Variants in CSMD1 observed in about 807,000 individuals in gnomAD.
The protein encoded by CSMD1 is CUB and Sushi multiple domains 1, also known as CUB and sushi domain-containing protein 1.
In CSMD1, 213 loss-of-function variants were observed where a neutral mutation model predicts 417.5. The ratio of observed to expected loss-of-function variants is 0.51; its 90% CI spans 0.46 to 0.57. The LOEUF (loss-of-function observed/expected upper bound fraction) is 0.57, where lower values mean the gene tolerates loss of function less well. Among genes scored for constraint, CSMD1 ranks in the 20% least tolerant of loss-of-function variants. The probability of loss-of-function intolerance (pLI) is 0.00; values close to 1 mark genes in which losing one functional copy is unlikely to be tolerated. For missense variants in CSMD1, 6,923 were observed against 4,529.7 expected (o/e 1.53, Z -15.17); for synonymous variants, 2,862 against 1,736.8 (o/e 1.65, Z -16.11).
rs183501375 is a variant in CSMD1 at position 3,289,073 on chromosome 8, G to A, written c.3951-4727C>T. On this transcript the variant is annotated intron_variant, in intron 25 of 69. Coordinates refer to ENST00000635120, the MANE Select transcript of CSMD1 (RefSeq NM_033225.6). ...TTCCCACCTATGAGGGAGAACATGC[G>A]GTATTTAGTTTTTTGTCCTTGAGAT... Among the ~76,000 whole-genome samples, 248 of 147,006 alleles carry A rather than the reference G, an allele frequency of 1.7e-3. 36 individuals carry two copies. The highest frequency in any genetic ancestry group is 5.7e-3 in the African/African-American group (212 of 36,904).
At chr8:3,202,034 G>A (rs759998435) in intron 31 of CSMD1, among the ~76,000 whole-genome samples, 1 of 152,114 alleles carries the variant, frequency 6.6e-6, no homozygotes, top group Non-Finnish European at 1.5e-5. Flanking sequence ...TGGATGTGGT[G>A]GCTCACGCCT....
At chr8:4,975,050 G>C (rs898811647) in intron 1 of CSMD1, among the ~76,000 whole-genome samples, 1 of 152,086 alleles carries the variant, frequency 6.6e-6, no homozygotes, top group African/African-American at 2.4e-5. Context: ...CAGCAGGCTG[G>C]GGAAAGAGGC....
intron 1 of CSMD1, among the ~76,000 whole-genome samples, chr8:4,973,495 C>A (rs1372580777): frequency 1.3e-5 from 2 of 152,042 alleles, no homozygotes; most frequent in Non-Finnish European, 2.9e-5. Flanking sequence ...AAAAATAATA[C>A]CATAGAAACT....
At chr8:3,414,578 C>G (rs1469272427) in intron 12 of CSMD1, among the ~76,000 whole-genome samples, 2 of 152,232 alleles carry the variant, frequency 1.3e-5, no homozygotes, top group East Asian at 3.9e-4. Context: ...TCTCAAACTC[C>G]AGTGCTAAGG....
At chr8:4,073,379 A>C (rs923112866) in intron 3 of CSMD1, among the ~76,000 whole-genome samples, 4 of 152,164 alleles carry the variant, frequency 2.6e-5, no homozygotes, top group Non-Finnish European at 4.4e-5. Flanking sequence ...GTACTTAATG[A>C]AGCTAAAAAA....
At chr8:4,622,965 T>C (rs1367257974) in intron 2 of CSMD1, among the ~76,000 whole-genome samples, 1 of 152,180 alleles carries the variant, frequency 6.6e-6, no homozygotes, top group Non-Finnish European at 1.5e-5. Context: ...AAGTTTTTTA[T>C]ATGTCACATG....
intron 23 of CSMD1, among the ~76,000 whole-genome samples, chr8:3,317,539 G>T: frequency 6.6e-6 from 1 of 152,216 alleles, no homozygotes; most frequent in Admixed American, 6.5e-5. Context: ...TCTTTGTATA[G>T]CAAGGGGTGA....
chr8:3,947,580 T>A (rs192709060), intron 5 of CSMD1, among the ~76,000 whole-genome samples: 1 of 152,164 alleles, frequency 6.6e-6, no homozygotes, highest in African/African-American at 2.4e-5. Flanking sequence ...AAATAAACCA[T>A]GGGTTATATA....
chr8:3,734,514 C>A (rs2129048577), intron 6 of CSMD1, among the ~76,000 whole-genome samples: 1 of 152,280 alleles, frequency 6.6e-6, no homozygotes, highest in Admixed American at 6.5e-5. Flanking sequence ...AGTTCAAGAC[C>A]AACCTAACCA....
At chr8:3,407,404 G>C (rs1358984939) in intron 14 of CSMD1, among the ~76,000 whole-genome samples, 2 of 149,882 alleles carry the variant, frequency 1.3e-5, no homozygotes, top group African/African-American at 4.9e-5. Flanking sequence ...TGGATGGAAG[G>C]ATGAATGGAT....
intron 3 of CSMD1, among the ~76,000 whole-genome samples, chr8:4,347,018 GT>G (rs1262936031): frequency 2.6e-5 from 4 of 152,138 alleles, no homozygotes; most frequent in South Asian, 2.1e-4. Flanking sequence ...GATACTTAAA[GT>G]TTTCATTTTA....
chr8:4,976,493 G>A lies in CSMD1; in HGVS notation c.85+17839C>T, dbSNP rs373369226. Among the ~76,000 whole-genome samples the A allele has an allele frequency of 3.2e-4, 48 of 152,120 alleles. 1 individual carries two copies. Among genetic ancestry groups the A allele is most frequent in the African/African-American group, 9.6e-4 (40 of 41,496 alleles). On this transcript the variant is annotated intron_variant, in intron 1 of 69. Transcript: ENST00000635120. ...CTTCACAATGCTCCTATAATATTAC[G>A]TTGTTTTTTATCCTTACCTCTGTGG...
chr8:3,864,295 G>A (rs1315427542), intron 5 of CSMD1, among the ~76,000 whole-genome samples: 2 of 152,156 alleles, frequency 1.3e-5, no homozygotes, highest in Admixed American at 6.6e-5. Context: ...GCCAATATTT[G>A]TTGAGCTCTT....
chr8:4,596,122 G>C (rs1446865907), intron 2 of CSMD1, among the ~76,000 whole-genome samples: 3 of 152,130 alleles, frequency 2.0e-5, no homozygotes, highest in Non-Finnish European at 4.4e-5. Context: ...AATGAATGTA[G>C]TTCCAGTATC....
chr8:3,108,950 A>C (rs1816327845), intron 43 of CSMD1, among the ~76,000 whole-genome samples: 1 of 152,198 alleles, frequency 6.6e-6, no homozygotes, highest in Non-Finnish European at 1.5e-5. Context: ...TTAATGTTCC[A>C]CAGGCACTCG....
intron 7 of CSMD1, among the ~76,000 whole-genome samples, chr8:3,630,369 C>T (rs935951732): frequency 1.3e-5 from 2 of 152,106 alleles, no homozygotes; most frequent in South Asian, 2.1e-4. Flanking sequence ...AGAAGCCAAG[C>T]CCTCAGGAAG....
At chr8:3,992,305 G>T (rs993280345) in intron 5 of CSMD1, among the ~76,000 whole-genome samples, 1 of 151,982 alleles carries the variant, frequency 6.6e-6, no homozygotes, top group Non-Finnish European at 1.5e-5. Context: ...CCTGGAGTAC[G>T]CAAGTTTACA....
chr8:3,544,096 C>G (rs986409058), intron 10 of CSMD1, among the ~76,000 whole-genome samples: 2 of 152,112 alleles, frequency 1.3e-5, no homozygotes, highest in Non-Finnish European at 2.9e-5. Flanking sequence ...ACCAGAGCGA[C>G]TCCATCTTGA....
intron 18 of CSMD1, among the ~76,000 whole-genome samples, chr8:3,371,529 CT>C (rs1371526614): frequency 6.7e-6 from 1 of 149,828 alleles, no homozygotes; most frequent in Non-Finnish European, 1.5e-5. Context: ...ATTTATACTT[CT>C]TTTCTTAAAC....
Sources: allele counts gnomAD v4.1 joint callset (sites outside exome capture counted in the v4.1 genomes callset), GRCh38; gene constraint gnomAD v4.1.1; transcripts MANE v1.5; gene names NCBI Gene and HGNC (gene_info 2026-07-23, HGNC 2026-07-21).